The following RBMS3 variants were observed in gnomAD, a reference collection of about 807,000 sequenced individuals.
RBMS3 encodes the protein RNA-binding motif, single-stranded-interacting protein 3.
Under a neutral mutation model 66.8 loss-of-function variants are expected in RBMS3, and 27 were observed. That is an observed-to-expected ratio of 0.40 (90% CI 0.30 to 0.56). The LOEUF (loss-of-function observed/expected upper bound fraction) is 0.56. Among genes scored for constraint, RBMS3 ranks in the 20% least tolerant of loss-of-function variants. The pLI, the probability that RBMS3 is intolerant of heterozygous loss-of-function variation, is 0.40. For synonymous variants in RBMS3, 188 were observed against 183.0 expected, an observed-to-expected ratio of 1.03 and a Z score of -0.22; for missense variants, 513 against 549.5, an observed-to-expected ratio of 0.93 and a Z score of 0.66.
intron 5 of RBMS3, among the ~76,000 whole-genome samples, chr3:29,740,660 T>C (rs2149350614): frequency 6.6e-6 from 1 of 152,316 alleles, no homozygotes; most frequent in South Asian, 2.1e-4. Context: ...TATGGCTTGG[T>C]ACATTTATGT....
chr3:29,281,895 A>C, intron 1 of RBMS3, 139 bp downstream of exon 1: 1 of 673,528 alleles, frequency 1.5e-6, no homozygotes. Context: ...TGACATACCA[A>C]TGGAGTTAAT....
intron 1 of RBMS3, among the ~76,000 whole-genome samples, chr3:29,345,034 A>T (rs1276081969): frequency 6.6e-6 from 1 of 152,204 alleles, no homozygotes; most frequent in East Asian, 1.9e-4. Context: ...AACACCATTT[A>T]GCCAACTGTG....
chr3:29,283,743 C>G (rs1458923771), intron 1 of RBMS3, among the ~76,000 whole-genome samples: 2 of 152,104 alleles, frequency 1.3e-5, no homozygotes, highest in Non-Finnish European at 2.9e-5. Flanking sequence ...GCTATTTTGC[C>G]TATCATGGTA....
chr3:29,571,469 T>A (rs71319096), intron 3 of RBMS3, among the ~76,000 whole-genome samples: 9,541 of 152,240 alleles, frequency 0.063, 324 homozygotes, highest in South Asian at 0.14. Context: ...GAGACAGGGG[T>A]CAAGTCTCAT....
At chr3:29,564,681 G>C (rs1370920566) in intron 3 of RBMS3, among the ~76,000 whole-genome samples, 1 of 151,934 alleles carries the variant, frequency 6.6e-6, no homozygotes, top group Non-Finnish European at 1.5e-5. Flanking sequence ...ACTGGAGTTT[G>C]GTTTTGTCTA....
intron 4 of RBMS3, among the ~76,000 whole-genome samples, chr3:29,663,715 G>A (rs185775867): frequency 1.0e-3 from 152 of 152,162 alleles, no homozygotes; most frequent in African/African-American, 3.5e-3. Context: ...GAGGCTCCTC[G>A]CAATCTACTA....
intron 3 of RBMS3, among the ~76,000 whole-genome samples, chr3:29,496,174 T>A (rs1420909164): frequency 7.0e-6 from 1 of 142,138 alleles, no homozygotes; most frequent in Non-Finnish European, 1.5e-5. Flanking sequence ...TATAATGGGA[T>A]TAGGTATACC....
intron 2 of RBMS3, among the ~76,000 whole-genome samples, chr3:29,442,589 A>G (rs369685951): frequency 6.6e-5 from 10 of 152,262 alleles, no homozygotes; most frequent in African/African-American, 2.4e-4. Context: ...TGCTGAGTAA[A>G]CATCTGGAGC....
intron 6 of RBMS3, among the ~76,000 whole-genome samples, chr3:29,838,664 T>A (rs56828400): frequency 0.019 from 2,947 of 152,284 alleles, 110 homozygotes; most frequent in African/African-American, 0.068. Context: ...GTGATGGATA[T>A]TTGCTAAGTC....
chr3:29,543,649 G>A (rs1221644504), intron 3 of RBMS3, among the ~76,000 whole-genome samples: 1 of 152,182 alleles, frequency 6.6e-6, no homozygotes, highest in Admixed American at 6.5e-5. Flanking sequence ...GGTGGTGGTT[G>A]CAGTGAACTG....
intron 3 of RBMS3, among the ~76,000 whole-genome samples, chr3:29,582,121 G>A (rs979438546): frequency 1.3e-5 from 2 of 151,772 alleles, no homozygotes; most frequent in Non-Finnish European, 1.5e-5. Context: ...GAACCATCTG[G>A]ACACTACTAT....
At chr3:29,673,789 A>G (rs527814669) in intron 4 of RBMS3, among the ~76,000 whole-genome samples, 4 of 152,288 alleles carry the variant, frequency 2.6e-5, no homozygotes, top group East Asian at 3.9e-4. Context: ...AAAGTCCAGG[A>G]CCAGACGGAT....
intron 6 of RBMS3, among the ~76,000 whole-genome samples, chr3:29,786,128 C>T (rs889610032): frequency 4.0e-5 from 6 of 150,712 alleles, no homozygotes; most frequent in Non-Finnish European, 5.9e-5. Context: ...AGAAATGTAC[C>T]TAAGAACATG....
chr3:29,589,675 T>A (rs1162780579), intron 4 of RBMS3, among the ~76,000 whole-genome samples: 1 of 152,084 alleles, frequency 6.6e-6, no homozygotes, highest in Non-Finnish European at 1.5e-5. Flanking sequence ...TCCTCCTTTG[T>A]CCTGGTGATA....
chr3:29,786,607 C>G (rs2056829299), intron 6 of RBMS3, among the ~76,000 whole-genome samples: 1 of 152,014 alleles, frequency 6.6e-6, no homozygotes, highest in African/African-American at 2.4e-5. Flanking sequence ...CCACCCTATT[C>G]ACAAATGGTG....
At chr3:29,980,975 G>A (rs367591914) in intron 12 of RBMS3, among the ~76,000 whole-genome samples, 5 of 152,230 alleles carry the variant, frequency 3.3e-5, no homozygotes, top group African/African-American at 1.2e-4. Context: ...AAGAAAGTCA[G>A]TGGTAGCTTA....
At chr3:29,470,855 T>G (rs2042700723) in intron 2 of RBMS3, among the ~76,000 whole-genome samples, 1 of 132,450 alleles carries the variant, frequency 7.6e-6, no homozygotes, top group African/African-American at 2.9e-5. Flanking sequence ...ACAAATAAAT[T>G]TAATAACTAA....
intron 1 of RBMS3, among the ~76,000 whole-genome samples, chr3:29,352,114 A>G: frequency 6.6e-6 from 1 of 152,178 alleles, no homozygotes; most frequent in African/African-American, 2.4e-5. Context: ...TTCTCCAAAA[A>G]AGAGTATTAA....
chr3:29,358,719 G>C (rs1391383257), intron 1 of RBMS3, among the ~76,000 whole-genome samples: 2 of 151,888 alleles, frequency 1.3e-5, no homozygotes, highest in Non-Finnish European at 2.9e-5. Flanking sequence ...TCTTTTATTT[G>C]GTTGAGCAGT....
Sources: gnomAD v4.1 joint callset for allele counts (sites outside exome capture counted in the v4.1 genomes callset) on GRCh38, gnomAD v4.1.1 for gene constraint, MANE v1.5 for transcripts, NCBI Gene and HGNC (gene_info 2026-07-23, HGNC 2026-07-21) for gene names.